Variants in CD58 observed in about 807,000 individuals in gnomAD.
The protein encoded by CD58 is CD58 molecule.
Under a neutral mutation model 27.6 loss-of-function variants are expected in CD58, and 14 were observed. The observed-to-expected ratio is 0.51, with a 90% CI of 0.34 to 0.79. The LOEUF is 0.79. Among genes scored for constraint, CD58 ranks in the 30% least tolerant of loss-of-function variants. The pLI, the probability that CD58 is intolerant of heterozygous loss-of-function variation, is 0.02. For synonymous variants in CD58, 117 were observed against 103.8 expected (o/e 1.13, Z -0.77); for missense variants, 268 against 301.7 (o/e 0.89, Z 0.83).
At position 116,536,111 on chromosome 1, in the gene CD58, C is replaced by T; in HGVS notation, c.482G>A (p.Cys161Tyr). ...GTTACGTTTACATTGCTCCATAGGA[C>T]AATCCCATGAGTACATTATAAGTCC... ...HRGLIMYSWD[C>Y]PMEQCKRNST... is the part of the protein sequence containing the mutation. The change falls in exon 3 of 6, where the codon TGT (cysteine) becomes TAT (tyrosine). Residue 161 changes from cysteine to tyrosine, a missense_variant. By Grantham distance (194) the Cys-to-Tyr change is radical. Coordinates refer to ENST00000369489, the MANE Select transcript of CD58 (RefSeq NM_001779.3). This position sits in a 1 kb window ranked among gnomAD's most constrained non-coding sequence, Gnocchi z 5.4. 6.2e-7 allele frequency: 1 copy of T among 1,613,814 alleles called. No individual in the cohort carries two copies. Among genetic ancestry groups the T allele is most frequent in the Non-Finnish European group, 8.5e-7 (1 of 1,179,842 alleles).
chr1:116,525,944 C>A (rs906860369), intron 3 of CD58, among the ~76,000 whole-genome samples: 1 of 152,222 alleles, frequency 6.6e-6, no homozygotes, highest in South Asian at 2.1e-4. Flanking sequence ...AGCCACCGCA[C>A]CCGGCCCAGG....
At chr1:116,540,724 C>G (rs895940907) in intron 2 of CD58, among the ~76,000 whole-genome samples, 10 of 152,190 alleles carry the variant, frequency 6.6e-5, no homozygotes, top group African/African-American at 2.4e-4. Flanking sequence ...TACTCCTCTG[C>G]AGGCTTCCTA....
At chr1:116,526,177 T>G (rs779903312) in intron 3 of CD58, among the ~76,000 whole-genome samples, 1 of 152,206 alleles carries the variant, frequency 6.6e-6, no homozygotes, top group Non-Finnish European at 1.5e-5. Flanking sequence ...TTGTCTTTCA[T>G]AGAGCAATGT....
At chr1:116,562,176 A>C (rs895210559) in intron 1 of CD58, among the ~76,000 whole-genome samples, 1 of 152,178 alleles carries the variant, frequency 6.6e-6, no homozygotes, top group Non-Finnish European at 1.5e-5. Context: ...AAAAAAACAG[A>C]TCAATATAAG....
rs370373706 is a variant in CD58 at position 116,570,982 on chromosome 1, G to C, written c.-10C>G. 1.0e-5 allele frequency: 16 copies of C among 1,542,500 alleles called. No individual in the cohort carries two copies. Among genetic ancestry groups the C allele is most frequent in the Non-Finnish European group, 1.4e-5 (16 of 1,151,478 alleles). Reference sequence around the variant, plus strand: ...CGCTCCCAGCAACCATGGCTCGTCGGGCCGGCCTCTGCGCGAGTGCCCAGC... The same window carrying C: ...CGCTCCCAGCAACCATGGCTCGTCGCGCCGGCCTCTGCGCGAGTGCCCAGC... On this transcript the variant is annotated 5_prime_UTR_variant, in exon 1 of 6. Transcript: ENST00000369489. The surrounding 1 kb of genome is among the most constrained non-coding windows in gnomAD (Gnocchi z 6.4).
At position 116,532,943 on chromosome 1, in the gene CD58, T is replaced by A; in HGVS notation, c.628+3022A>T. The A allele has an allele frequency of 9.3e-7, 1 of 1,078,198 alleles. No individual in the cohort carries two copies. Among genetic ancestry groups the A allele is most frequent in the Non-Finnish European group, 1.4e-6 (1 of 735,972 alleles). 66.8% of individuals were successfully genotyped at this position (1,078,198 alleles called of 1,614,324 possible). ...GGCGCCCACCTCCACTTCCTACTGC[T>A]GCTTGCATTCCGCCGGCTGGCTGGG... On this transcript the variant is annotated intron_variant, in intron 3 of 5. Transcript: ENST00000369489. The surrounding 1 kb of genome is among the most constrained non-coding windows in gnomAD (Gnocchi z 5.1).
chr1:116,569,992 C>T (rs1297481672), intron 1 of CD58, among the ~76,000 whole-genome samples: 2 of 152,218 alleles, frequency 1.3e-5, no homozygotes, highest in Non-Finnish European at 2.9e-5. Flanking sequence ...CATAGATGCA[C>T]ACGCGCACCT....
At chr1:116,539,527 A>T (rs1410179263) in intron 2 of CD58, among the ~76,000 whole-genome samples, 1 of 152,192 alleles carries the variant, frequency 6.6e-6, no homozygotes, top group African/African-American at 2.4e-5. Context: ...AGAAAAGAAA[A>T]GAAAAGAAAA....
Position 116,563,277 on chromosome 1 carries a change from C to T in CD58, c.70+7626G>A, listed in dbSNP as rs1480498250. 1.3e-5 allele frequency among the ~76,000 whole-genome samples: 2 copies of T among 152,102 alleles called. No individual in the cohort carries two copies. Among genetic ancestry groups the T allele is most frequent in the Admixed American group, 6.6e-5 (1 of 15,260 alleles). On this transcript the variant is annotated intron_variant, in intron 1 of 5. Transcript: ENST00000369489. The surrounding 1 kb of genome is among the most constrained non-coding windows in gnomAD (Gnocchi z 4.1). ...GGGCAGCTCTTCCCCTGTGGCTTTG[C>T]AGGGTACAGCCATCCTCCTGGCTGC...
chr1:116,550,215 C>T lies in CD58; in HGVS notation c.71-5611G>A, dbSNP rs1658345828. Among the ~76,000 whole-genome samples, 1 of 152,170 alleles carries T rather than the reference C, an allele frequency of 6.6e-6. No homozygotes were observed. The highest frequency in any genetic ancestry group is 1.5e-5 in the Non-Finnish European group (1 of 68,024). On this transcript the variant is annotated intron_variant, in intron 1 of 5. Coordinates refer to ENST00000369489, the MANE Select transcript of CD58 (RefSeq NM_001779.3). This position sits in a 1 kb window ranked among gnomAD's most constrained non-coding sequence, Gnocchi z 4.2. ...AGTTTTGCTGCATCAATGGACCCTTCCTTTCACAAAATATTTCTCAGAGGC... is the reference window on the plus strand; with the variant it reads ...AGTTTTGCTGCATCAATGGACCCTTTCTTTCACAAAATATTTCTCAGAGGC...
chr1:116,532,829 G>T lies in CD58; in HGVS notation c.628+3136C>A, dbSNP rs1414519144. 3.5e-6 allele frequency: 2 copies of T among 575,000 alleles called. No individual in the cohort carries two copies. The highest frequency in any genetic ancestry group is 6.6e-5 in the East Asian group (2 of 30,462). The allele number at this position is 575,000 out of a possible 1,614,324, so 35.6% of individuals were successfully genotyped here. A position where few individuals can be genotyped will look rare whatever the true frequency, so the allele number is the denominator to read the frequency against. On this transcript the variant is annotated intron_variant, in intron 3 of 5. Transcript: ENST00000369489. The surrounding 1 kb of genome is among the most constrained non-coding windows in gnomAD (Gnocchi z 5.1). Reference sequence around the variant, plus strand: ...TCATGCACTTGAAAACGATTAGATGGAGTAAGCGCTGTCGACGGGATTGTG... The same window carrying T: ...TCATGCACTTGAAAACGATTAGATGTAGTAAGCGCTGTCGACGGGATTGTG...
chr1:116,520,357 C>T (rs1471050032), intron 4 of CD58, among the ~76,000 whole-genome samples: 1 of 152,022 alleles, frequency 6.6e-6, no homozygotes, highest in African/African-American at 2.4e-5. Context: ...AAGTGATGCA[C>T]ACAACTCGAC....
At position 116,534,461 on chromosome 1, in the gene CD58, G is replaced by A. The variant is rs1311286064; in HGVS notation, c.628+1504C>T. The stretch of plus-strand genomic sequence containing the variant: ...CCTCCGGGTACGCGGGGCTGGCTGG[G>A]CTAGCGGGAGATTTGAGCTGCCAGC... On this transcript the variant is annotated intron_variant, in intron 3 of 5. Transcript: ENST00000369489. The surrounding 1 kb of genome is among the most constrained non-coding windows in gnomAD (Gnocchi z 5.3). 6.6e-6 allele frequency among the ~76,000 whole-genome samples: 1 copy of A among 152,200 alleles called. No individual in the cohort carries two copies.
intron 3 of CD58, among the ~76,000 whole-genome samples, chr1:116,535,440 G>A (rs1204587737): frequency 3.9e-5 from 6 of 152,192 alleles, no homozygotes; most frequent in Non-Finnish European, 5.9e-5. Context: ...GTTGTATGAG[G>A]ATTGATGTGA....
Position 116,536,318 on chromosome 1 carries a change from C to T in CD58, c.365-90G>A. The T allele has an allele frequency of 1.0e-6, 1 of 956,344 alleles. No individual in the cohort carries two copies. The highest frequency in any genetic ancestry group is 1.5e-6 in the Non-Finnish European group (1 of 657,188). 59.2% of individuals were successfully genotyped at this position (956,344 alleles called of 1,614,324 possible). ...TTATGAAGAGCTCGCAACCTCCTTA[C>T]AAGCTTGAAAGGATGAGCAGACAAA... On this transcript the variant is annotated intron_variant, in intron 2 of 5. Coordinates refer to ENST00000369489, the MANE Select transcript of CD58 (RefSeq NM_001779.3). The surrounding 1 kb of genome is among the most constrained non-coding windows in gnomAD (Gnocchi z 5.4).
At chr1:116,555,911 C>T (rs530274844) in intron 1 of CD58, among the ~76,000 whole-genome samples, 3 of 151,934 alleles carry the variant, frequency 2.0e-5, no homozygotes, top group South Asian at 2.1e-4. Context: ...CTTAATCTAA[C>T]ACTTGTATGG....
chr1:116,549,436 T>C (rs1325505863), intron 1 of CD58, among the ~76,000 whole-genome samples: 4 of 152,050 alleles, frequency 2.6e-5, no homozygotes, highest in Non-Finnish European at 5.9e-5. Flanking sequence ...AGCAATGGCA[T>C]GAGAAAAGTA....
chr1:116,552,950 G>C lies in CD58; in HGVS notation c.71-8346C>G, dbSNP rs577440998. Among the ~76,000 whole-genome samples, 1 of 152,222 alleles carries C rather than the reference G, an allele frequency of 6.6e-6. No individual in the cohort carries two copies. The highest frequency in any genetic ancestry group is 2.4e-5 in the African/African-American group (1 of 41,546). ...ACTTTGGCAATTTACATCTCCATCA[G>C]TAATGCCTGAGTTGCCCTTTCCTTG... On this transcript the variant is annotated intron_variant, in intron 1 of 5. Coordinates refer to ENST00000369489, the MANE Select transcript of CD58 (RefSeq NM_001779.3). This position sits in a 1 kb window ranked among gnomAD's most constrained non-coding sequence, Gnocchi z 4.5.
At chr1:116,555,041 A>G (rs1011385284) in intron 1 of CD58, among the ~76,000 whole-genome samples, 1 of 152,194 alleles carries the variant, frequency 6.6e-6, no homozygotes, top group Non-Finnish European at 1.5e-5. Context: ...GAATGAATGA[A>G]TGAATGAATG....
Sources: allele counts gnomAD v4.1 joint callset (sites outside exome capture counted in the v4.1 genomes callset), GRCh38; gene constraint gnomAD v4.1.1; non-coding constraint Gnocchi (gnomAD v3.1); transcripts MANE v1.5; gene names NCBI Gene and HGNC (gene_info 2026-07-23, HGNC 2026-07-21).